IFT57: variants seen among roughly 807,000 people sequenced by gnomAD.
IFT57 encodes intraflagellar transport 57, also known as intraflagellar transport protein 57 homolog.
IFT57 carries 59 observed loss-of-function variants against 56.8 expected under a neutral mutation model. The ratio of observed to expected loss-of-function variants is 1.04; its 90% CI spans 0.84 to 1.29. IFT57 has a LOEUF of 1.29. Ranked by LOEUF, IFT57 falls within the 50% of genes most tolerant of loss-of-function variation. The pLI, the probability that IFT57 is intolerant of heterozygous loss-of-function variation, is 0.00. For missense variants in IFT57, 470 were observed against 522.1 expected (o/e 0.90, Z 0.97); for synonymous variants, 209 against 186.1 (o/e 1.12, Z -1.00).
intron 4 of IFT57, among the ~76,000 whole-genome samples, chr3:108,210,332 C>CTT (rs35896793): frequency 0.25 from 26,705 of 107,590 alleles, 4,400 homozygotes; most frequent in Non-Finnish European, 0.36. Context: ...CAGAAATAAT[C>CTT]TTTTTTTTTT....
intron 3 of IFT57, among the ~76,000 whole-genome samples, chr3:108,216,152 G>A (rs1251082531): frequency 2.0e-5 from 3 of 151,972 alleles, no homozygotes; most frequent in Admixed American, 6.6e-5. Flanking sequence ...CAAACTTAAG[G>A]AAACAATCAA....
At chr3:108,176,467 CTT>C (rs2080124577) in intron 6 of IFT57, among the ~76,000 whole-genome samples, 1 of 151,786 alleles carries the variant, frequency 6.6e-6, no homozygotes, top group South Asian at 2.1e-4. Flanking sequence ...CATTTCCTTT[CTT>C]TGTCACCCAA....
chr3:108,184,842 T>C (rs1201472372), intron 6 of IFT57, among the ~76,000 whole-genome samples: 1 of 152,200 alleles, frequency 6.6e-6, no homozygotes, highest in Non-Finnish European at 1.5e-5. Context: ...GTACTTTTCA[T>C]GTTTAGTGCA....
chr3:108,180,193 C>A (rs1199906420), intron 6 of IFT57, among the ~76,000 whole-genome samples: 1 of 151,976 alleles, frequency 6.6e-6, no homozygotes, highest in African/African-American at 2.4e-5. Flanking sequence ...CGAAGGCTAT[C>A]TTTACAAACT....
chr3:108,163,833 A>G, intron 9 of IFT57, 104 bp from the exon 10 acceptor site: 2 of 658,998 alleles, frequency 3.0e-6, no homozygotes, highest in Non-Finnish European at 5.4e-6. Context: ...CCACACATAT[A>G]GAAAAATAAA....
chr3:108,178,769 T>G (rs534642981), intron 6 of IFT57, among the ~76,000 whole-genome samples: 2 of 151,980 alleles, frequency 1.3e-5, no homozygotes, highest in East Asian at 3.9e-4. Flanking sequence ...ATGAAGCAAT[T>G]GGAACTTCAC....
chr3:108,202,244 G>T (rs1560120092), intron 5 of IFT57, among the ~76,000 whole-genome samples: 2 of 152,158 alleles, frequency 1.3e-5, no homozygotes, highest in South Asian at 4.1e-4. Context: ...TGATTCTGTT[G>T]AGTTTCACAA....
rs1308634188 is a variant in IFT57, at chr3:108,222,140, G to A, written c.183C>T (p.Leu61=). The A allele has an allele frequency of 1.2e-6, 2 of 1,611,850 alleles. No individual in the cohort carries two copies. Among genetic ancestry groups the A allele is most frequent in the Non-Finnish European group, 8.5e-7 (1 of 1,179,108 alleles). The change falls in exon 1 of 11, where the codon CTC becomes CTT. Residue 61 remains leucine, a synonymous_variant. Coordinates refer to ENST00000264538, the MANE Select transcript of IFT57 (RefSeq NM_018010.4). ...LKLLRYEEEF[L]RKSNLKAPSR... is the part of the protein sequence containing the mutation. ...ACGGGGCCTTCAGGTTGCTCTTCCG[G>A]AGGAACTCCTCCTCGTAGCGGAGCA...
At chr3:108,193,430 T>G (rs995734277) in intron 5 of IFT57, among the ~76,000 whole-genome samples, 1 of 152,220 alleles carries the variant, frequency 6.6e-6, no homozygotes, top group Non-Finnish European at 1.5e-5. Context: ...CATTTGAGAA[T>G]GGATAACTAA....
chr3:108,167,532 G>T (rs995248203), intron 7 of IFT57, among the ~76,000 whole-genome samples: 1 of 150,160 alleles, frequency 6.7e-6, no homozygotes, highest in African/African-American at 2.4e-5. Flanking sequence ...ATGATGAAAT[G>T]TTTCTCTCTA....
intron 5 of IFT57, among the ~76,000 whole-genome samples, chr3:108,206,006 TTACTTATATA>T (rs1240912001): frequency 5.4e-4 from 65 of 120,946 alleles, no homozygotes; most frequent in East Asian, 2.3e-3. Context: ...ATGTTATATA[TTACTTATATA>T]TAATATATTG....
At chr3:108,187,942 G>GT (rs1368453544) in intron 6 of IFT57, among the ~76,000 whole-genome samples, 152 of 137,436 alleles carry the variant, frequency 1.1e-3, no homozygotes, top group Middle Eastern at 3.6e-3. Flanking sequence ...AAAGGTTTTT[G>GT]TTTTTTTTTT....
chr3:108,166,524 G>A (rs2080064044), intron 8 of IFT57, among the ~76,000 whole-genome samples: 1 of 151,984 alleles, frequency 6.6e-6, no homozygotes, highest in Admixed American at 6.6e-5. Flanking sequence ...TACGCCAATG[G>A]TAAATTAACA....
intron 5 of IFT57, among the ~76,000 whole-genome samples, chr3:108,203,162 A>G (rs2080288814): frequency 6.6e-6 from 1 of 152,208 alleles, no homozygotes; most frequent in Non-Finnish European, 1.5e-5. Context: ...ACTGGCCTCC[A>G]GGGGGTGAGC....
At chr3:108,189,885 A>G (rs1219503001) in intron 6 of IFT57, among the ~76,000 whole-genome samples, 5 of 149,536 alleles carry the variant, frequency 3.3e-5, no homozygotes, top group Admixed American at 2.0e-4. Flanking sequence ...AAACTAAAGA[A>G]AATATTAAGA....
At position 108,222,354 on chromosome 3, in the gene IFT57, G is replaced by A. The variant is rs201388767; in HGVS notation, c.-32C>T. The A allele has an allele frequency of 1.2e-3, 1,872 of 1,576,118 alleles. 13 individuals are homozygous for A. The African/African-American group carries it at 0.022, about 19-fold the overall frequency. ...ACGGACAGAGTCCAGCGTGGGCTCA[G>A]GCCCACAGACCTCTGCGGCCTAAGC... On this transcript the variant is annotated 5_prime_UTR_variant, in exon 1 of 11. Coordinates refer to ENST00000264538, the MANE Select transcript of IFT57 (RefSeq NM_018010.4).
intron 6 of IFT57, among the ~76,000 whole-genome samples, chr3:108,173,786 GTGT>G (rs1177908525): frequency 4.1e-5 from 6 of 147,640 alleles, no homozygotes; most frequent in Non-Finnish European, 8.9e-5. Flanking sequence ...GTGTGTGTGT[GTGT>G]GTGTGTGTGT....
chr3:108,196,662 G>A (rs1324190473), intron 5 of IFT57, among the ~76,000 whole-genome samples: 1 of 152,080 alleles, frequency 6.6e-6, no homozygotes, highest in Non-Finnish European at 1.5e-5. Flanking sequence ...ATTTAACATA[G>A]GAGCTCAAAA....
chr3:108,195,619 C>A (rs1037475158), intron 5 of IFT57, among the ~76,000 whole-genome samples: 15 of 152,026 alleles, frequency 9.9e-5, no homozygotes, highest in African/African-American at 3.4e-4. Flanking sequence ...TATATATACA[C>A]AATGGGATAT....
Sources: allele counts gnomAD v4.1 joint callset (sites outside exome capture counted in the v4.1 genomes callset), GRCh38; gene constraint gnomAD v4.1.1; transcripts MANE v1.5; gene names NCBI Gene and HGNC (gene_info 2026-07-23, HGNC 2026-07-21).